Variants in ZNF679 observed in about 807,000 individuals in gnomAD.
ZNF679 encodes the protein zinc finger protein 679.
A neutral mutation model predicts 13.4 loss-of-function variants in ZNF679; 10 were observed. That is an observed-to-expected ratio of 0.75 (90% CI 0.46 to 1.27). ZNF679 has a LOEUF of 1.27. Ranked by LOEUF, ZNF679 falls within the 50% of genes most tolerant of loss-of-function variation. The pLI is 0.00. For missense variants in ZNF679, 525 were observed against 477.8 expected (o/e 1.10, Z -0.92); for synonymous variants, 179 against 162.5 (o/e 1.10, Z -0.77).
chr7:64,252,714 T>C (rs1053381395), intron 2 of ZNF679, among the ~76,000 whole-genome samples: 2 of 152,206 alleles, frequency 1.3e-5, no homozygotes, highest in African/African-American at 4.8e-5. Flanking sequence ...CATCCTGTTA[T>C]CTTATTTTTA....
intron 2 of ZNF679, among the ~76,000 whole-genome samples, chr7:64,251,918 A>C (rs1389411271): frequency 2.0e-5 from 3 of 152,178 alleles, no homozygotes; most frequent in Non-Finnish European, 4.4e-5. Flanking sequence ...GTCTTTACCC[A>C]ACTCAGCTTC....
At chr7:64,228,915 T>C (rs1380547605) in intron 1 of ZNF679, among the ~76,000 whole-genome samples, 2 of 152,182 alleles carry the variant, frequency 1.3e-5, no homozygotes, top group African/African-American at 4.8e-5. Context: ...TGACCATCCT[T>C]ATTGTTGGCT....
intron 2 of ZNF679, among the ~76,000 whole-genome samples, chr7:64,254,780 G>C (rs564452184): frequency 2.0e-5 from 3 of 151,884 alleles, no homozygotes; most frequent in Non-Finnish European, 4.4e-5. Context: ...ACAATAAGTT[G>C]GTGGTAAAAA....
intron 1 of ZNF679, among the ~76,000 whole-genome samples, chr7:64,245,727 C>T (rs1329351790): frequency 1.3e-5 from 2 of 152,154 alleles, no homozygotes; most frequent in African/African-American, 4.8e-5. Flanking sequence ...AAAGACAGGG[C>T]CAGGCATGGT....
rs71060570 is a variant in ZNF679, at chr7:64,255,616, A to ATT, written c.40-4596_40-4595dup. On this transcript the variant is annotated intron_variant, in intron 2 of 4. Coordinates refer to ENST00000421025, the MANE Select transcript of ZNF679 (RefSeq NM_153363.3). Reference sequence around the variant, plus strand: ...CTCTTTCCCACCCATGATTTTTTTTATTTTTTTTTTGAGACAGAGTCTTGC... The same window carrying ATT: ...CTCTTTCCCACCCATGATTTTTTTTATTTTTTTTTTTTGAGACAGAGTCTTGC... 4.4e-3 allele frequency among the ~76,000 whole-genome samples: 654 copies of ATT among 149,556 alleles called. 9 individuals are homozygous for ATT. The highest frequency in any genetic ancestry group is 0.013 in the African/African-American group (509 of 40,664).
In ZNF679 at chr7:64,260,114, T is replaced by G. The variant is rs1584237222; in HGVS notation, c.40-107T>G. On this transcript the variant is annotated intron_variant, in intron 2 of 4. Coordinates refer to ENST00000421025, the MANE Select transcript of ZNF679 (RefSeq NM_153363.3). ...AGTCACTCTTATAAGTGAGAAACACTTCTTTTTACTCTCTAACTTGAGTCA... is the reference window on the plus strand; with the variant it reads ...AGTCACTCTTATAAGTGAGAAACACGTCTTTTTACTCTCTAACTTGAGTCA... The G allele has an allele frequency of 4.0e-6, 4 of 1,006,112 alleles. No homozygotes were observed. The East Asian group carries it at 1.0e-4, about 26-fold the overall frequency. The allele number at this position is 1,006,112 out of a possible 1,614,324, so 62.3% of individuals were successfully genotyped here.
chr7:64,249,289 G>C (rs1054987197), intron 2 of ZNF679, 133 bp downstream of exon 2: 35 of 1,461,870 alleles, frequency 2.4e-5, no homozygotes, highest in Non-Finnish European at 3.2e-5. Flanking sequence ...CTTGGCCCAG[G>C]TGGGCTGTTA....
At chr7:64,265,475 T>A (rs1357189778) in intron 4 of ZNF679, among the ~76,000 whole-genome samples, 2 of 152,184 alleles carry the variant, frequency 1.3e-5, no homozygotes, top group Non-Finnish European at 2.9e-5. Context: ...TACCATTTGA[T>A]TCAGCACTTT....
rs181238893 is a variant in ZNF679, at chr7:64,232,449, G to A, written c.-91+3797G>A. ...TCTCTTATTGGCTGGGTCCATCTAT[G>A]ACAGTTATCATCATGCCTGTGAGCT... On this transcript the variant is annotated intron_variant, in intron 1 of 4. Coordinates refer to ENST00000421025, the MANE Select transcript of ZNF679 (RefSeq NM_153363.3). Among the ~76,000 whole-genome samples the A allele has an allele frequency of 2.2e-3, 340 of 152,298 alleles. 5 individuals are homozygous for A. The highest frequency in any genetic ancestry group is 7.6e-3 in the African/African-American group (315 of 41,548).
intron 1 of ZNF679, among the ~76,000 whole-genome samples, chr7:64,244,030 T>G (rs1021107648): frequency 6.6e-6 from 1 of 152,134 alleles, no homozygotes; most frequent in African/African-American, 2.4e-5. Flanking sequence ...GGCGGGCAGA[T>G]CATGAGGTCA....
chr7:64,236,930 AAAG>A (rs1787725274), intron 1 of ZNF679, among the ~76,000 whole-genome samples: 1 of 39,600 alleles, frequency 2.5e-5, no homozygotes, highest in Non-Finnish European at 4.6e-5. Flanking sequence ...AAGAAGAAAG[AAAG>A]AAAGAAAGAA....
chr7:64,249,090 C>G lies in ZNF679; in HGVS notation c.-28C>G. 4.3e-6 allele frequency: 7 copies of G among 1,614,044 alleles called. No homozygotes were observed. The highest frequency in any genetic ancestry group is 5.9e-6 in the Non-Finnish European group (7 of 1,179,986). Reference sequence around the variant, plus strand: ...TTCCTAGAGGCCAAGCCACTGTGGCCTTGTGTTCTGCAGGTATCCGCAGAT... The same window carrying G: ...TTCCTAGAGGCCAAGCCACTGTGGCGTTGTGTTCTGCAGGTATCCGCAGAT... On this transcript the variant is annotated 5_prime_UTR_variant, in exon 2 of 5. Transcript: ENST00000421025.
chr7:64,239,434 G>A (rs10085751), intron 1 of ZNF679, among the ~76,000 whole-genome samples: 45,559 of 152,004 alleles, frequency 0.3, 7,635 homozygotes, highest in East Asian at 0.48. Flanking sequence ...CCATTCCTGG[G>A]CCTTCCTGCA....
At chr7:64,242,448 G>A (rs905942329) in intron 1 of ZNF679, among the ~76,000 whole-genome samples, 1 of 152,178 alleles carries the variant, frequency 6.6e-6, no homozygotes. Flanking sequence ...AAGCCCAGGT[G>A]TGAGAGTCAA....
At chr7:64,260,811 A>C (rs1407865747) in intron 3 of ZNF679, 23 bp from the exon 4 acceptor site, 1 of 1,586,764 alleles carries the variant, frequency 6.3e-7, no homozygotes, top group Non-Finnish European at 8.6e-7. Flanking sequence ...GATTTATGTT[A>C]CTTTTTTTTC....
chr7:64,236,937 GAAAGA>G (rs1562840223), intron 1 of ZNF679, among the ~76,000 whole-genome samples: 10 of 32,486 alleles, frequency 3.1e-4, no homozygotes, highest in Non-Finnish European at 5.7e-4. Context: ...AAGAAAGAAA[GAAAGA>G]AAGAAAGAAA....
At chr7:64,242,609 C>T (rs1372594887) in intron 1 of ZNF679, among the ~76,000 whole-genome samples, 2 of 152,190 alleles carry the variant, frequency 1.3e-5, no homozygotes, top group Non-Finnish European at 2.9e-5. Context: ...GATTCAGGAA[C>T]TATTTTGCTC....
chr7:64,251,479 G>A (rs1787943785), intron 2 of ZNF679, among the ~76,000 whole-genome samples: 1 of 151,974 alleles, frequency 6.6e-6, no homozygotes, highest in Non-Finnish European at 1.5e-5. Context: ...AAGAGAAAAG[G>A]CAGAGAGTAA....
rs1426481242 is a variant in ZNF679, at chr7:64,266,570, T to G, written c.937T>G (p.Tyr313Asp). The change falls in exon 5 of 5, where the codon TAC (tyrosine) becomes GAC (aspartate). Residue 313 changes from tyrosine (Y) to aspartate (D), a missense_variant. Tyr to Asp is a radical substitution (Grantham distance 160). Transcript: ENST00000421025. ...CTTTAGCTTATCCTCATCCCTCACTTACCACAAGAGAATTCATACTGGAGA... is the reference window on the plus strand; with the variant it reads ...CTTTAGCTTATCCTCATCCCTCACTGACCACAAGAGAATTCATACTGGAGA... ...KAFSLSSSLTYHKRIHTGEKP... is the reference protein window; with the variant it reads ...KAFSLSSSLTDHKRIHTGEKP... 6.2e-7 allele frequency: 1 copy of G among 1,604,462 alleles called. No individual in the cohort carries two copies.
Sources: allele counts gnomAD v4.1 joint callset (sites outside exome capture counted in the v4.1 genomes callset), GRCh38; gene constraint gnomAD v4.1.1; transcripts MANE v1.5; gene names NCBI Gene and HGNC (gene_info 2026-07-23, HGNC 2026-07-21).